SLC7A14: variants seen among roughly 807,000 people sequenced by gnomAD.
SLC7A14 encodes gamma-aminobutyric acid transporter SLC7A14.
In SLC7A14, 37 loss-of-function variants were observed where a neutral mutation model predicts 60.2. The ratio of observed to expected loss-of-function variants is 0.61; its 90% confidence interval spans 0.47 to 0.81. The LOEUF (loss-of-function observed/expected upper bound fraction) is 0.81, where lower values mean the gene tolerates loss of function less well. Among genes scored for constraint, SLC7A14 ranks in the 30% least tolerant of loss-of-function variants. The pLI is 0.00. For synonymous variants in SLC7A14, 399 were observed against 395.8 expected (o/e 1.01, Z -0.10); for missense variants, 886 against 982.7 (o/e 0.90, Z 1.32).
At position 170,483,611 on chromosome 3, in the gene SLC7A14, T is replaced by C. The variant is rs1054397156; in HGVS notation, c.907-89A>G. ...ACGGGAGAGGAAAGAGCCCTGCCCCTGGAGGCAGAGGCTTGCATGGCAGTT... is the reference window on the plus strand; with the variant it reads ...ACGGGAGAGGAAAGAGCCCTGCCCCCGGAGGCAGAGGCTTGCATGGCAGTT... On this transcript the variant is annotated intron_variant, in intron 5 of 7. Coordinates refer to ENST00000231706, the MANE Select transcript of SLC7A14 (RefSeq NM_020949.3). 2.8e-6 allele frequency: 4 copies of C among 1,419,632 alleles called. No homozygotes were observed. In the African/African-American group the frequency reaches 5.7e-5, roughly 20 times the overall value. 87.9% of individuals were successfully genotyped at this position (1,419,632 alleles called of 1,614,324 possible). A position where few individuals can be genotyped will look rare whatever the true frequency, so the allele number is the denominator to read the frequency against.
intron 1 of SLC7A14, among the ~76,000 whole-genome samples, chr3:170,583,359 A>T (rs1440439038): frequency 6.6e-6 from 1 of 152,176 alleles, no homozygotes; most frequent in East Asian, 1.9e-4. Context: ...AAGACAAAGG[A>T]GTTGGAAGAA....
chr3:170,533,298 G>C (rs1713735736), intron 1 of SLC7A14, among the ~76,000 whole-genome samples: 1 of 152,122 alleles, frequency 6.6e-6, no homozygotes, highest in African/African-American at 2.4e-5. Context: ...TTAATCTCAG[G>C]GTCTGCTCAG....
chr3:170,492,446 A>AG (rs1712251784), intron 4 of SLC7A14, among the ~76,000 whole-genome samples: 1 of 152,154 alleles, frequency 6.6e-6, no homozygotes, highest in African/African-American at 2.4e-5. Flanking sequence ...TTGAGACTGC[A>AG]GTGAGCTGTG....
intron 1 of SLC7A14, among the ~76,000 whole-genome samples, chr3:170,541,078 G>A (rs1714003963): frequency 2.0e-5 from 3 of 151,928 alleles, no homozygotes; most frequent in African/African-American, 2.4e-5. Flanking sequence ...TCCACACAGT[G>A]ATAGTGGGAA....
At chr3:170,530,729 A>C (rs1476887639) in intron 1 of SLC7A14, among the ~76,000 whole-genome samples, 1 of 152,210 alleles carries the variant, frequency 6.6e-6, no homozygotes, top group African/African-American at 2.4e-5. Flanking sequence ...GACCTGCTGC[A>C]GCGGGGAGGC....
intron 1 of SLC7A14, among the ~76,000 whole-genome samples, chr3:170,575,821 A>G (rs1199047619): frequency 2.6e-5 from 4 of 152,234 alleles, no homozygotes; most frequent in Non-Finnish European, 4.4e-5. Context: ...TCTAGTTACA[A>G]GATTGGACTC....
chr3:170,558,455 C>T (rs536551102), intron 1 of SLC7A14, among the ~76,000 whole-genome samples: 16 of 152,256 alleles, frequency 1.1e-4, no homozygotes, highest in African/African-American at 3.9e-4. Flanking sequence ...GGCAGGACAG[C>T]TCTGAACCTT....
At chr3:170,468,058 A>G (rs2108262254) in intron 7 of SLC7A14, among the ~76,000 whole-genome samples, 1 of 152,210 alleles carries the variant, frequency 6.6e-6, no homozygotes, top group South Asian at 2.1e-4. Context: ...CTGTTGTGTG[A>G]TTATCTGCAC....
At chr3:170,519,691 G>A (rs904924794) in intron 2 of SLC7A14, among the ~76,000 whole-genome samples, 1 of 152,182 alleles carries the variant, frequency 6.6e-6, no homozygotes. Context: ...CAGGAGAATC[G>A]CTTGAACTGG....
intron 4 of SLC7A14, chr3:170,496,114 A>G: frequency 3.8e-6 from 4 of 1,060,274 alleles, no homozygotes; most frequent in Non-Finnish European, 4.4e-6. Flanking sequence ...AGGCAACTGC[A>G]TGAAGAGGAG....
intron 4 of SLC7A14, chr3:170,495,624 G>A (rs11718678): frequency 0.3 from 240,738 of 791,292 alleles, 40,434 homozygotes; most frequent in African/African-American, 0.62. Flanking sequence ...CGGCATAGGA[G>A]GCATCACCAC....
intron 1 of SLC7A14, among the ~76,000 whole-genome samples, chr3:170,539,418 G>C (rs963030808): frequency 1.3e-5 from 2 of 151,988 alleles, no homozygotes; most frequent in Non-Finnish European, 2.9e-5. Flanking sequence ...CTCATTATCT[G>C]CCTATGTATC....
chr3:170,540,436 T>C (rs1234090079), intron 1 of SLC7A14, among the ~76,000 whole-genome samples: 2 of 152,060 alleles, frequency 1.3e-5, no homozygotes, highest in Non-Finnish European at 2.9e-5. Context: ...AAAGGTATAT[T>C]TTTGATTTTT....
intron 1 of SLC7A14, among the ~76,000 whole-genome samples, chr3:170,556,008 C>T (rs1560279509): frequency 6.6e-6 from 1 of 152,174 alleles, no homozygotes; most frequent in South Asian, 2.1e-4. Flanking sequence ...TAACAATTGG[C>T]ATAGTTTCTT....
At chr3:170,549,857 A>G (rs1048159287) in intron 1 of SLC7A14, among the ~76,000 whole-genome samples, 1 of 152,230 alleles carries the variant, frequency 6.6e-6, no homozygotes, top group African/African-American at 2.4e-5. Flanking sequence ...GACAGTGAGG[A>G]TGGAAAGCAA....
At chr3:170,514,122 A>G (rs1713074289) in intron 2 of SLC7A14, among the ~76,000 whole-genome samples, 1 of 152,108 alleles carries the variant, frequency 6.6e-6, no homozygotes, top group Admixed American at 6.6e-5. Context: ...GAGCTTTTTG[A>G]TTCCCTGGGG....
chr3:170,490,848 G>A (rs1471856806), intron 4 of SLC7A14, among the ~76,000 whole-genome samples: 1 of 152,180 alleles, frequency 6.6e-6, no homozygotes, highest in South Asian at 2.1e-4. Flanking sequence ...TTGTTACAAG[G>A]ATAAAATGAG....
intron 2 of SLC7A14, among the ~76,000 whole-genome samples, chr3:170,521,318 G>A (rs781745271): frequency 6.6e-6 from 1 of 152,194 alleles, no homozygotes; most frequent in Non-Finnish European, 1.5e-5. Context: ...ATGGGGAATG[G>A]TGCGGCAAGG....
At chr3:170,541,021 A>C (rs1453285013) in intron 1 of SLC7A14, among the ~76,000 whole-genome samples, 1 of 152,246 alleles carries the variant, frequency 6.6e-6, no homozygotes, top group Non-Finnish European at 1.5e-5. Flanking sequence ...CAAAGGTTAA[A>C]AAAATAAAAG....
Sources: gnomAD v4.1 joint callset for allele counts (sites outside exome capture counted in the v4.1 genomes callset) on GRCh38, gnomAD v4.1.1 for gene constraint, MANE v1.5 for transcripts, NCBI Gene and HGNC (gene_info 2026-07-23, HGNC 2026-07-21) for gene names.